SEC24D: variants seen among roughly 807,000 people sequenced by gnomAD.
The protein encoded by SEC24D is SEC24 homolog D, COPII component.
Under a neutral mutation model 116.9 loss-of-function variants are expected in SEC24D, and 69 were observed. That is an observed-to-expected ratio of 0.59 (90% CI 0.49 to 0.72). The LOEUF is 0.72. Among genes scored for constraint, SEC24D ranks in the 30% least tolerant of loss-of-function variants. The pLI, the probability that SEC24D is intolerant of heterozygous loss-of-function variation, is 0.00. For synonymous variants in SEC24D, 405 were observed against 442.8 expected (o/e 0.91, Z 1.07); for missense variants, 1,131 against 1,264.1 (o/e 0.89, Z 1.60).
chr4:118,799,551 G>C (rs1409767849), intron 7 of SEC24D, among the ~76,000 whole-genome samples: 1 of 152,150 alleles, frequency 6.6e-6, no homozygotes, highest in African/African-American at 2.4e-5. Context: ...AACCACCAAG[G>C]GAATAATTAT....
intron 8 of SEC24D, among the ~76,000 whole-genome samples, chr4:118,776,806 T>C (rs894279174): frequency 1.3e-5 from 2 of 152,306 alleles, no homozygotes; most frequent in African/African-American, 2.4e-5. Context: ...ACACACTTCA[T>C]TGTTACAATA....
At chr4:118,745,914 G>A (rs1041710134) in intron 13 of SEC24D, among the ~76,000 whole-genome samples, 1 of 152,028 alleles carries the variant, frequency 6.6e-6, no homozygotes, top group Admixed American at 6.6e-5. Context: ...AGTAGCTCAC[G>A]CCTGTAATCC....
At chr4:118,832,202 C>T (rs1730889567) in intron 2 of SEC24D, among the ~76,000 whole-genome samples, 1 of 152,004 alleles carries the variant, frequency 6.6e-6, no homozygotes, top group African/African-American at 2.4e-5. Flanking sequence ...AAAACTGCAC[C>T]CCAACCTGGT....
At chr4:118,734,432 C>G (rs1360214501) in intron 19 of SEC24D, among the ~76,000 whole-genome samples, 2 of 151,926 alleles carry the variant, frequency 1.3e-5, no homozygotes, top group Non-Finnish European at 2.9e-5. Flanking sequence ...AGGCTGGTCT[C>G]AAACTCCTGA....
chr4:118,792,918 A>C (rs990348985), intron 8 of SEC24D, among the ~76,000 whole-genome samples: 2 of 152,196 alleles, frequency 1.3e-5, no homozygotes, highest in African/African-American at 2.4e-5. Context: ...AAACAAAAAA[A>C]CATAATTTTG....
chr4:118,786,036 T>C (rs1318973029), intron 8 of SEC24D, among the ~76,000 whole-genome samples: 1 of 152,184 alleles, frequency 6.6e-6, no homozygotes, highest in African/African-American at 2.4e-5. Flanking sequence ...GGTTAAGGGA[T>C]GTTATTGTAA....
chr4:118,793,328 G>A (rs899136638), intron 8 of SEC24D, among the ~76,000 whole-genome samples: 8 of 150,724 alleles, frequency 5.3e-5, no homozygotes, highest in East Asian at 1.9e-4. Context: ...TTAGCCGGGC[G>A]TAGTGGCGGG....
chr4:118,738,689 G>A (rs747222099), intron 18 of SEC24D, among the ~76,000 whole-genome samples: 6 of 152,130 alleles, frequency 3.9e-5, no homozygotes, highest in Non-Finnish European at 8.8e-5. Flanking sequence ...GAATTCTTAC[G>A]GGCTGGATTG....
At chr4:118,777,517 A>G (rs1333837766) in intron 8 of SEC24D, among the ~76,000 whole-genome samples, 5 of 152,170 alleles carry the variant, frequency 3.3e-5, no homozygotes, top group Non-Finnish European at 7.4e-5. Context: ...TCATGGATGG[A>G]CATTTGGGTT....
At chr4:118,810,074 C>CTCTGTG (rs776835322) in intron 6 of SEC24D, among the ~76,000 whole-genome samples, 33 of 38,618 alleles carry the variant, frequency 8.5e-4, no homozygotes, top group Non-Finnish European at 1.2e-3. Flanking sequence ...TCAGAGGTAG[C>CTCTGTG]TGTGTGTGTG....
At chr4:118,732,517 A>T (rs189578205) in intron 20 of SEC24D, among the ~76,000 whole-genome samples, 1 of 152,282 alleles carries the variant, frequency 6.6e-6, no homozygotes, top group South Asian at 2.1e-4. Context: ...AACTCCTCAG[A>T]TTCCCTCCCC....
At chr4:118,728,411 G>A in intron 22 of SEC24D, 150 bp downstream of exon 22, 1 of 586,372 alleles carries the variant, frequency 1.7e-6, no homozygotes, top group South Asian at 2.2e-5. Flanking sequence ...AGAGGTTAAT[G>A]TGAGGTTTTT....
chr4:118,760,094 C>T (rs967024180), intron 10 of SEC24D, among the ~76,000 whole-genome samples: 2 of 152,210 alleles, frequency 1.3e-5, no homozygotes, highest in Admixed American at 6.5e-5. Flanking sequence ...TGAAGGCCCA[C>T]GTGGCTCTTT....
intron 8 of SEC24D, among the ~76,000 whole-genome samples, chr4:118,781,499 T>G (rs962456329): frequency 6.6e-6 from 1 of 152,186 alleles, no homozygotes; most frequent in Non-Finnish European, 1.5e-5. Flanking sequence ...AACCCGACCT[T>G]TCTCTCTGGC....
At chr4:118,812,826 A>T (rs1729975671) in intron 6 of SEC24D, among the ~76,000 whole-genome samples, 1 of 152,164 alleles carries the variant, frequency 6.6e-6, no homozygotes. Context: ...GCTGGTTAAT[A>T]CAAGTCACCT....
At chr4:118,793,466 CAAAAAAAAAAAAAAAAA>C (rs70944815) in intron 8 of SEC24D, among the ~76,000 whole-genome samples, 2 of 69,292 alleles carry the variant, frequency 2.9e-5, no homozygotes, top group African/African-American at 6.2e-5. Context: ...GACTCCGTCT[CAAAAAAAAAAAAAAAAA>C]AAAAAAAAAG....
chr4:118,724,005 TG>T (rs1725281488), intron 22 of SEC24D, among the ~76,000 whole-genome samples: 1 of 152,222 alleles, frequency 6.6e-6, no homozygotes, highest in Non-Finnish European at 1.5e-5. Context: ...GATACAATTA[TG>T]GCTGGCATGT....
At chr4:118,758,911 G>A (rs867912898) in intron 10 of SEC24D, among the ~76,000 whole-genome samples, 5 of 152,258 alleles carry the variant, frequency 3.3e-5, no homozygotes, top group Middle Eastern at 3.4e-3. Flanking sequence ...ATTCTGCTAT[G>A]TGAATAATTT....
At position 118,750,704 on chromosome 4, in the gene SEC24D, T is replaced by C. The variant is rs144969414; in HGVS notation, c.1707+1292A>G. ...CCTTTCAAACTGAAATAGAAGACAT[T>C]TGTTTGTAGTAACGTGGAATAAAAC... On this transcript the variant is annotated intron_variant, in intron 13 of 22. Coordinates refer to ENST00000280551, the MANE Select transcript of SEC24D (RefSeq NM_014822.4). Among the ~76,000 whole-genome samples the C allele has an allele frequency of 1.5e-3, 231 of 152,316 alleles. 1 individual carries two copies. The highest frequency in any genetic ancestry group is 5.1e-3 in the African/African-American group (211 of 41,590).
Sources: gnomAD v4.1 joint callset for allele counts (sites outside exome capture counted in the v4.1 genomes callset) on GRCh38, gnomAD v4.1.1 for gene constraint, MANE v1.5 for transcripts, NCBI Gene and HGNC (gene_info 2026-07-23, HGNC 2026-07-21) for gene names.